The following CMIP variants were observed in gnomAD, a reference collection of about 807,000 sequenced individuals.
CMIP encodes c-Maf inducing protein.
CMIP carries 13 observed loss-of-function variants against 97.3 expected under a neutral mutation model. The observed-to-expected ratio is 0.13, with a 90% CI of 0.09 to 0.21. CMIP has a LOEUF of 0.21. CMIP is among the 10% of genes least tolerant of loss of function. CMIP has a pLI of 1.00. For synonymous variants in CMIP, 538 were observed against 436.3 expected (o/e 1.23, Z -2.91); for missense variants, 847 against 1,024.9 (o/e 0.83, Z 2.37).
intron 2 of CMIP, among the ~76,000 whole-genome samples, chr16:81,612,267 A>G (rs1224719938): frequency 6.6e-6 from 1 of 152,242 alleles, no homozygotes; most frequent in Non-Finnish European, 1.5e-5. Context: ...CCGCTGCTCC[A>G]CAAACAAGGC....
Position 81,624,922 on chromosome 16 carries a change from C to A in CMIP, c.477+3996C>A, listed in dbSNP as rs1054800082. Among the ~76,000 whole-genome samples, 16 of 152,324 alleles carry A rather than the reference C, an allele frequency of 1.1e-4. 1 individual carries two copies. The highest frequency in any genetic ancestry group is 3.4e-4 in the African/African-American group (14 of 41,568). On this transcript the variant is annotated intron_variant, in intron 3 of 20. Coordinates refer to ENST00000537098, the MANE Select transcript of CMIP (RefSeq NM_198390.3). ...CTCAGAACTTTGAGCTGTTCACACA[C>A]GGTTGTAGCTCCCATGTTGGAGGAG...
At chr16:81,591,247 CTT>C (rs34545797) in intron 1 of CMIP, among the ~76,000 whole-genome samples, 55,876 of 151,948 alleles carry the variant, frequency 0.37, 12,419 homozygotes, top group South Asian at 0.57. Flanking sequence ...GGGGAGATGT[CTT>C]TGAGCAGTTG....
chr16:81,471,622 G>T (rs149100234), intron 1 of CMIP, among the ~76,000 whole-genome samples: 1 of 152,146 alleles, frequency 6.6e-6, no homozygotes, highest in African/African-American at 2.4e-5. Flanking sequence ...CTCATCCTTG[G>T]GGGATATGTG....
At chr16:81,515,697 GC>G (rs1475262793) in intron 1 of CMIP, among the ~76,000 whole-genome samples, 6 of 152,310 alleles carry the variant, frequency 3.9e-5, no homozygotes, top group African/African-American at 1.4e-4. Flanking sequence ...TGGTAGCTGT[GC>G]CAGTCTGGGC....
chr16:81,612,919 G>A (rs544132089), intron 2 of CMIP, among the ~76,000 whole-genome samples: 3 of 152,250 alleles, frequency 2.0e-5, no homozygotes, highest in African/African-American at 7.2e-5. Flanking sequence ...TTCCCACTGG[G>A]CTGAGTTCTC....
chr16:81,611,593 T>C (rs2091833032), intron 2 of CMIP, among the ~76,000 whole-genome samples: 1 of 151,998 alleles, frequency 6.6e-6, no homozygotes, highest in Non-Finnish European at 1.5e-5. Flanking sequence ...CTCCTGCCTC[T>C]CCTCTTTCTC....
Position 81,701,810 on chromosome 16 carries a change from C to T in CMIP, c.1896+10C>T, listed in dbSNP as rs370507271. 41 of 1,612,802 alleles carry T rather than the reference C, an allele frequency of 2.5e-5. No individual in the cohort carries two copies. The African/African-American group carries it at 3.1e-4, about 12-fold the overall frequency. ...GGAGCTGAAGGAGCTGGTGAGTCCC[C>T]GGCTGCTCCGGACCACTCCCCTGCC... On this transcript the variant is annotated intron_variant, in intron 16 of 20. Transcript: ENST00000537098.
At chr16:81,702,514 C>A in intron 16 of CMIP, 108 bp from the exon 17 acceptor site, 2 of 1,170,444 alleles carry the variant, frequency 1.7e-6, no homozygotes, top group Non-Finnish European at 1.3e-6. Context: ...TTGCCTTGTA[C>A]CACCAAGAAA....
chr16:81,474,874 G>A (rs1050283965), intron 1 of CMIP, among the ~76,000 whole-genome samples: 22 of 152,242 alleles, frequency 1.4e-4, no homozygotes, highest in African/African-American at 5.1e-4. Context: ...GGGCGGGGAG[G>A]GAGTCGACCA....
intron 3 of CMIP, among the ~76,000 whole-genome samples, chr16:81,641,768 C>G (rs868852055): frequency 2.0e-5 from 3 of 152,348 alleles, no homozygotes; most frequent in Middle Eastern, 3.4e-3. Context: ...CCAGCTGCAC[C>G]AGCCTGCAAC....
At chr16:81,582,616 C>T (rs913030099) in intron 1 of CMIP, among the ~76,000 whole-genome samples, 1 of 152,052 alleles carries the variant, frequency 6.6e-6, no homozygotes, top group African/African-American at 2.4e-5. Flanking sequence ...GAACCCAGCC[C>T]AGAATCCAGG....
At chr16:81,610,130 C>T (rs1015657997) in intron 2 of CMIP, among the ~76,000 whole-genome samples, 7 of 152,270 alleles carry the variant, frequency 4.6e-5, no homozygotes, top group African/African-American at 1.7e-4. Flanking sequence ...GAGGGGCAGC[C>T]CTGGCCTCCA....
At chr16:81,640,770 G>GTGTGTGTCTCTC (rs376370488) in intron 3 of CMIP, among the ~76,000 whole-genome samples, 4 of 135,592 alleles carry the variant, frequency 3.0e-5, no homozygotes, top group African/African-American at 8.4e-5. Context: ...GTGTGTGTGT[G>GTGTGTGTCTCTC]TCTCTCTCTC....
Position 81,711,309 on chromosome 16 carries a change from T to C in CMIP, c.*1510T>C, listed in dbSNP as rs1466587200. On this transcript the variant is annotated 3_prime_UTR_variant, in exon 21 of 21. Coordinates refer to ENST00000537098, the MANE Select transcript of CMIP (RefSeq NM_198390.3). Reference sequence around the variant, plus strand: ...ATTTAATCTTATTCAATGGAAACCATGCTTTTGTCGTTTTATACTTTGCTA... The same window carrying C: ...ATTTAATCTTATTCAATGGAAACCACGCTTTTGTCGTTTTATACTTTGCTA... 6.6e-6 allele frequency: 1 copy of C among 152,354 alleles called. No individual in the cohort carries two copies. Among genetic ancestry groups the C allele is most frequent in the African/African-American group, 2.4e-5 (1 of 41,464 alleles). The allele number at this position is 152,354 out of a possible 1,614,324, so 9.4% of individuals were successfully genotyped here.
chr16:81,656,493 A>G (rs1278978991), intron 4 of CMIP, among the ~76,000 whole-genome samples: 1 of 152,230 alleles, frequency 6.6e-6, no homozygotes, highest in Admixed American at 6.5e-5. Flanking sequence ...ACACACCACG[A>G]AACTAGCAAG....
At chr16:81,545,928 T>G (rs2090538066) in intron 1 of CMIP, among the ~76,000 whole-genome samples, 1 of 152,070 alleles carries the variant, frequency 6.6e-6, no homozygotes, top group African/African-American at 2.4e-5. Flanking sequence ...TGTCACCCCC[T>G]CACTGCAGGT....
intron 1 of CMIP, among the ~76,000 whole-genome samples, chr16:81,574,989 C>T (rs531562994): frequency 3.9e-5 from 6 of 152,306 alleles, no homozygotes; most frequent in African/African-American, 1.4e-4. Context: ...TCATTTCATC[C>T]TGTAATGGGG....
chr16:81,696,997 T>C (rs1244773560), intron 14 of CMIP: 1 of 357,428 alleles, frequency 2.8e-6, no homozygotes, highest in African/African-American at 2.1e-5. Flanking sequence ...GGTCACACAG[T>C]TCATTGCCAT....
At chr16:81,641,383 A>G (rs1430044210) in intron 3 of CMIP, among the ~76,000 whole-genome samples, 1 of 152,092 alleles carries the variant, frequency 6.6e-6, no homozygotes, top group Non-Finnish European at 1.5e-5. Context: ...GCTCCCAAGC[A>G]GCTCCTAGCT....
Sources: gnomAD v4.1 joint callset for allele counts (sites outside exome capture counted in the v4.1 genomes callset) on GRCh38, gnomAD v4.1.1 for gene constraint, MANE v1.5 for transcripts, NCBI Gene and HGNC (gene_info 2026-07-23, HGNC 2026-07-21) for gene names.